SPHKAP: variants seen among roughly 807,000 people sequenced by gnomAD.
SPHKAP encodes the protein A-kinase anchor protein SPHKAP.
Under a neutral mutation model 137.5 loss-of-function variants are expected in SPHKAP, and 67 were observed. The observed-to-expected ratio is 0.49, with a 90% CI of 0.40 to 0.60. The LOEUF is 0.60. Ranked by LOEUF, SPHKAP falls within the 20% of genes least tolerant of loss-of-function variation. The pLI, the probability that SPHKAP is intolerant of heterozygous loss-of-function variation, is 0.00. For missense variants in SPHKAP, 2,097 were observed against 2,069.3 expected, an observed-to-expected ratio of 1.01 and a Z score of -0.26; for synonymous variants, 813 against 785.3, an observed-to-expected ratio of 1.04 and a Z score of -0.59.
chr2:228,167,213 CT>C (rs1186294287), intron 1 of SPHKAP, among the ~76,000 whole-genome samples: 4 of 152,288 alleles, frequency 2.6e-5, no homozygotes, highest in African/African-American at 9.6e-5. Context: ...TAGTGAATCT[CT>C]TTCTTGGATA....
At chr2:228,085,144 A>G (rs1253425239) in intron 3 of SPHKAP, among the ~76,000 whole-genome samples, 1 of 152,226 alleles carries the variant, frequency 6.6e-6, no homozygotes, top group African/African-American at 2.4e-5. Flanking sequence ...CTGACACTGC[A>G]CTGTGAAGAA....
chr2:228,100,820 G>A (rs1698163548), intron 3 of SPHKAP, among the ~76,000 whole-genome samples: 1 of 152,060 alleles, frequency 6.6e-6, no homozygotes, highest in Admixed American at 6.6e-5. Flanking sequence ...TTGTTGTTGT[G>A]TGTTTGCCAG....
At chr2:228,100,961 G>C (rs1474152579) in intron 3 of SPHKAP, among the ~76,000 whole-genome samples, 1 of 152,132 alleles carries the variant, frequency 6.6e-6, no homozygotes, top group African/African-American at 2.4e-5. Context: ...GAATGGCCAA[G>C]CACTTTTTAT....
intron 3 of SPHKAP, among the ~76,000 whole-genome samples, chr2:228,081,484 T>C (rs1697362975): frequency 6.6e-6 from 1 of 152,246 alleles, no homozygotes; most frequent in Non-Finnish European, 1.5e-5. Context: ...GTCAAAGAGA[T>C]ACCTGCAATT....
intron 5 of SPHKAP, chr2:228,022,202 CAT>C (rs1252285459): frequency 1.0e-6 from 1 of 985,238 alleles, no homozygotes; most frequent in African/African-American, 1.7e-5. Context: ...GGCTGTATCA[CAT>C]ATTTTAATTT....
At chr2:228,117,646 C>T (rs1488306974) in intron 2 of SPHKAP, among the ~76,000 whole-genome samples, 1 of 152,092 alleles carries the variant, frequency 6.6e-6, no homozygotes, top group Admixed American at 6.6e-5. Flanking sequence ...CACATTCCTA[C>T]AGAATTCACT....
intron 7 of SPHKAP, among the ~76,000 whole-genome samples, chr2:228,003,068 T>A (rs1238891795): frequency 6.6e-6 from 1 of 152,206 alleles, no homozygotes; most frequent in Non-Finnish European, 1.5e-5. Context: ...TTTGGTTCCA[T>A]GTGAACTTTA....
intron 11 of SPHKAP, among the ~76,000 whole-genome samples, chr2:227,989,447 G>A (rs939489042): frequency 3.3e-5 from 5 of 152,130 alleles, no homozygotes; most frequent in Non-Finnish European, 5.9e-5. Flanking sequence ...TGGCTTGATA[G>A]GCAGGATCCT....
At chr2:228,054,396 G>T (rs1017028636) in intron 3 of SPHKAP, among the ~76,000 whole-genome samples, 21 of 152,278 alleles carry the variant, frequency 1.4e-4, no homozygotes, top group African/African-American at 4.8e-4. Context: ...TTGGGCAAGA[G>T]ACATTGCAAT....
chr2:228,131,753 G>A (rs1425341464), intron 2 of SPHKAP: 1 of 981,778 alleles, frequency 1.0e-6, no homozygotes, highest in Non-Finnish European at 1.2e-6. Flanking sequence ...CTTGGGTTGA[G>A]ATAGTATGGC....
rs1574826307 is a variant in SPHKAP, at chr2:228,075,060, G to GCCAGC, written c.246+33771_246+33772insGCTGG. 4.6e-5 allele frequency among the ~76,000 whole-genome samples: 7 copies of GCCAGC among 152,278 alleles called. No individual in the cohort carries two copies. The East Asian group carries it at 1.4e-3, about 29-fold the overall frequency. The stretch of plus-strand genomic sequence containing the variant: ...AATTTTGGTTCTGAAAGGGCAGAGG[G>GCCAGC]TATGTTTAGCTTAGTCACCATGGTA... On this transcript the variant is annotated intron_variant, in intron 3 of 11. Transcript: ENST00000392056.
intron 1 of SPHKAP, among the ~76,000 whole-genome samples, chr2:228,155,055 T>C (rs757546751): frequency 7.2e-5 from 11 of 152,152 alleles, no homozygotes; most frequent in Admixed American, 5.9e-4. Flanking sequence ...CAAGTTAACC[T>C]CAATTATTGT....
rs758204646 is a variant in SPHKAP at position 228,019,205 on chromosome 2, T to A, written c.1649A>T (p.Asn550Ile). 1 of 1,613,812 alleles carries A rather than the reference T, an allele frequency of 6.2e-7. No individual in the cohort carries two copies. Among genetic ancestry groups the A allele is most frequent in the South Asian group, 1.1e-5 (1 of 91,078 alleles). The change falls in exon 7 of 12, where the codon AAT becomes ATT. Residue 550 changes from asparagine to isoleucine, a missense_variant. Physicochemically the swap from Asn to Ile is moderately radical, Grantham distance 149. Coordinates refer to ENST00000392056, the MANE Select transcript of SPHKAP (RefSeq NM_001142644.2). ...APQGLKEPSI[N>I]EYSFPSALCG... The stretch of plus-strand genomic sequence containing the variant: ...CAAAGCAGATGGAAAGGAGTACTCA[T>A]TGATGGAAGGTTCCTTGAGTCCTTG...
At chr2:228,102,235 C>T (rs940321383) in intron 3 of SPHKAP, among the ~76,000 whole-genome samples, 4 of 140,938 alleles carry the variant, frequency 2.8e-5, no homozygotes, top group Non-Finnish European at 4.6e-5. Flanking sequence ...TTGTCAAATA[C>T]ATTGCTTACC....
chr2:228,143,910 C>T (rs181826295), intron 1 of SPHKAP, among the ~76,000 whole-genome samples: 3 of 152,238 alleles, frequency 2.0e-5, no homozygotes, highest in East Asian at 1.9e-4. Flanking sequence ...ATGCATGGAC[C>T]GTCTGTTACC....
chr2:227,995,709 A>G lies in SPHKAP; in HGVS notation c.4449-15T>C. On this transcript the variant is annotated splice_polypyrimidine_tract_variant and intron_variant, in intron 7 of 11. Coordinates refer to ENST00000392056, the MANE Select transcript of SPHKAP (RefSeq NM_001142644.2). ...CAAGGCTGTCACTGTAGAGGGCAAG[A>G]TATTATTACCAAGAGAGGCAGCACA... 6.4e-7 allele frequency: 1 copy of G among 1,553,880 alleles called. No individual in the cohort carries two copies. The highest frequency in any genetic ancestry group is 1.2e-5 in the South Asian group (1 of 81,412).
chr2:228,120,076 T>C (rs1698858088), intron 2 of SPHKAP, among the ~76,000 whole-genome samples: 1 of 152,144 alleles, frequency 6.6e-6, no homozygotes, highest in Non-Finnish European at 1.5e-5. Context: ...TTCTCCGTTA[T>C]CAAGAAGAAT....
In SPHKAP at chr2:228,128,757, A is replaced by G. The variant is rs564638573; in HGVS notation, c.138+3223T>C. On this transcript the variant is annotated intron_variant, in intron 2 of 11. Coordinates refer to ENST00000392056, the MANE Select transcript of SPHKAP (RefSeq NM_001142644.2). The stretch of plus-strand genomic sequence containing the variant: ...ATGAAAACATTATTAATTTCCATGT[A>G]TATCTCCACCAGAGATCTCAAGTGA... Among the ~76,000 whole-genome samples the G allele has an allele frequency of 1.0e-3, 155 of 152,336 alleles. 4 individuals carry two copies. The South Asian group carries it at 0.031, about 31-fold the overall frequency.
At position 228,018,945 on chromosome 2, in the gene SPHKAP, C is replaced by T; in HGVS notation, c.1909G>A (p.Gly637Arg). 1 of 1,614,120 alleles carries T rather than the reference C, an allele frequency of 6.2e-7. No individual in the cohort carries two copies. The highest frequency in any genetic ancestry group is 8.5e-7 in the Non-Finnish European group (1 of 1,180,002). The part of the protein sequence containing the change: ...LTRPNTYSSI[G>R]DFLDSMNRRI... The stretch of plus-strand genomic sequence containing the variant: ...CTGTTCATGGAGTCCAGAAAGTCTC[C>T]AATGCTGCTGTAGGTATTAGGCCTT... The change falls in exon 7 of 12, where the codon GGA becomes AGA. Residue 637 changes from glycine to arginine, a missense_variant. Physicochemically the swap from Gly to Arg is moderately radical, Grantham distance 125. Coordinates refer to ENST00000392056, the MANE Select transcript of SPHKAP (RefSeq NM_001142644.2).
Sources: gnomAD v4.1 joint callset for allele counts (sites outside exome capture counted in the v4.1 genomes callset) on GRCh38, gnomAD v4.1.1 for gene constraint, MANE v1.5 for transcripts, NCBI Gene and HGNC (gene_info 2026-07-23, HGNC 2026-07-21) for gene names.